The following SEPTIN9 variants were observed in gnomAD, a reference collection of about 807,000 sequenced individuals.
SEPTIN9 encodes the protein septin-9.
A neutral mutation model predicts 56.6 loss-of-function variants in SEPTIN9; 13 were observed. The observed-to-expected ratio is 0.23, with a 90% CI of 0.15 to 0.37. The LOEUF (loss-of-function observed/expected upper bound fraction) is 0.37, where lower values mean the gene tolerates loss of function less well. SEPTIN9 is among the 10% of genes least tolerant of loss of function. The pLI is 1.00. For missense variants in SEPTIN9, 650 were observed against 823.1 expected, an observed-to-expected ratio of 0.79 and a Z score of 2.57; for synonymous variants, 332 against 334.1, an observed-to-expected ratio of 0.99 and a Z score of 0.07.
intron 2 of SEPTIN9, among the ~76,000 whole-genome samples, chr17:77,384,096 C>T (rs1400208941): frequency 6.6e-6 from 1 of 152,204 alleles, no homozygotes; most frequent in East Asian, 1.9e-4. Flanking sequence ...AAGGCGGCGG[C>T]TGCCCTGACT....
intron 2 of SEPTIN9, among the ~76,000 whole-genome samples, chr17:77,363,294 C>A (rs1598256371): frequency 6.6e-6 from 1 of 151,330 alleles, no homozygotes; most frequent in East Asian, 1.9e-4. Context: ...GACACTCCCG[C>A]AACTTTCTCT....
intron 2 of SEPTIN9, among the ~76,000 whole-genome samples, chr17:77,334,640 G>T (rs558354758): frequency 1.3e-5 from 2 of 151,936 alleles, no homozygotes; most frequent in Non-Finnish European, 2.9e-5. Flanking sequence ...TGTGACCTAT[G>T]GAGGAAATCT....
chr17:77,291,031 ATT>A (rs869237556), intron 1 of SEPTIN9, among the ~76,000 whole-genome samples: 112 of 108,774 alleles, frequency 1.0e-3, no homozygotes, highest in Admixed American at 1.3e-3. Flanking sequence ...TGCCTGGCTA[ATT>A]TTTTTTTTTT....
At chr17:77,365,123 C>T (rs2034533281) in intron 2 of SEPTIN9, among the ~76,000 whole-genome samples, 1 of 152,158 alleles carries the variant, frequency 6.6e-6, no homozygotes, top group Non-Finnish European at 1.5e-5. Context: ...GGGCTGATGC[C>T]CCACATTCCA....
chr17:77,441,529 T>A (rs1474498836), intron 3 of SEPTIN9, among the ~76,000 whole-genome samples: 1 of 152,224 alleles, frequency 6.6e-6, no homozygotes, highest in East Asian at 1.9e-4. Context: ...GCAGGAAGTT[T>A]GAGCAACAGC....
rs540035827 is a variant in SEPTIN9 at position 77,305,906 on chromosome 17, G to T, written c.20-1235G>T. On this transcript the variant is annotated intron_variant, in intron 1 of 11. Transcript: ENST00000427177. ...TGGAAGGAAGGATGAGTGGGTGGGT[G>T]GGGGGGTGGGTGGGTGGGTGGATGG... 3.8e-5 allele frequency among the ~76,000 whole-genome samples: 4 copies of T among 105,856 alleles called. No individual in the cohort carries two copies. The East Asian group carries it at 1.0e-3, about 27-fold the overall frequency. 69.4% of individuals were successfully genotyped at this position (105,856 alleles called of 152,430 possible).
chr17:77,498,872 T>C lies in SEPTIN9; in HGVS notation c.*214T>C. On this transcript the variant is annotated 3_prime_UTR_variant, in exon 12 of 12. Transcript: ENST00000427177. ...CCCCGAGGTTGTGGGGAGGCTGCAC[T>C]GGAGCCACAGGCAGGGGTGAGAGCA... 1 of 599,112 alleles carries C rather than the reference T, an allele frequency of 1.7e-6. No homozygotes were observed. The highest frequency in any genetic ancestry group is 3.1e-6 in the Non-Finnish European group (1 of 318,292). The allele number at this position is 599,112 out of a possible 1,614,324, so 37.1% of individuals were successfully genotyped here. A position where few individuals can be genotyped will look rare whatever the true frequency, so the allele number is the denominator to read the frequency against.
intron 3 of SEPTIN9, among the ~76,000 whole-genome samples, chr17:77,455,906 T>C (rs1465588853): frequency 6.6e-6 from 1 of 152,046 alleles, no homozygotes; most frequent in Non-Finnish European, 1.5e-5. Context: ...AAGGTCTCCT[T>C]GGGGGGTTTT....
At position 77,475,292 on chromosome 17, in the gene SEPTIN9, G is replaced by A. The variant is rs994951390; in HGVS notation, c.722-6852G>A. 8 of 1,417,582 alleles carry A rather than the reference G, an allele frequency of 5.6e-6. No individual in the cohort carries two copies. Among genetic ancestry groups the A allele is most frequent in the East Asian group, 2.6e-5 (1 of 39,102 alleles). 87.8% of individuals were successfully genotyped at this position (1,417,582 alleles called of 1,614,324 possible). On this transcript the variant is annotated intron_variant, in intron 3 of 11. Coordinates refer to ENST00000427177, the MANE Select transcript of SEPTIN9 (RefSeq NM_001113491.2). This position sits in a 1 kb window ranked among gnomAD's most constrained non-coding sequence, Gnocchi z 4.6. ...TGGACGCAGAGAGCAGGCTCTGTGT[G>A]GGAGCGGGGAGGGCAAGCCCTGGTT...
At chr17:77,287,497 T>A (rs910516701) in intron 1 of SEPTIN9, among the ~76,000 whole-genome samples, 5 of 152,222 alleles carry the variant, frequency 3.3e-5, no homozygotes, top group Admixed American at 2.6e-4. Flanking sequence ...TGCCGGGCGC[T>A]GCTGAGTGTC....
In SEPTIN9 at chr17:77,389,909, A is replaced by G. The variant is rs974881917; in HGVS notation, c.77-12150A>G. On this transcript the variant is annotated intron_variant, in intron 2 of 11. Coordinates refer to ENST00000427177, the MANE Select transcript of SEPTIN9 (RefSeq NM_001113491.2). The surrounding 1 kb of genome is among the most constrained non-coding windows in gnomAD (Gnocchi z 4.3). ...CTGAGAGTGTGCCAGAGGTGCTCCC[A>G]TTCCCATAGCTGATTTAGTAAAGAA... Among the ~76,000 whole-genome samples, 2 of 152,156 alleles carry G rather than the reference A, an allele frequency of 1.3e-5. No homozygotes were observed. Among genetic ancestry groups the G allele is most frequent in the Non-Finnish European group, 1.5e-5 (1 of 68,016 alleles).
chr17:77,340,008 T>C (rs1425269418), intron 2 of SEPTIN9, among the ~76,000 whole-genome samples: 1 of 151,690 alleles, frequency 6.6e-6, no homozygotes, highest in Non-Finnish European at 1.5e-5. Flanking sequence ...GTATTTTTAA[T>C]AGAGATGAGG....
chr17:77,390,346 T>TAA (rs200348069), intron 2 of SEPTIN9, among the ~76,000 whole-genome samples: 3,391 of 90,170 alleles, frequency 0.038, 86 homozygotes, highest in Non-Finnish European at 0.046. Flanking sequence ...GACTCCGTCT[T>TAA]AAAAAAAAAA....
At position 77,466,391 on chromosome 17, in the gene SEPTIN9, C is replaced by T. The variant is rs1175273269; in HGVS notation, c.722-15753C>T. On this transcript the variant is annotated intron_variant, in intron 3 of 11. Coordinates refer to ENST00000427177, the MANE Select transcript of SEPTIN9 (RefSeq NM_001113491.2). ...TTACCATATGAATGTAGCTCCTTCCCGGAGTTCGGGCTGGAAGGGCCTGGG... is the reference window on the plus strand; with the variant it reads ...TTACCATATGAATGTAGCTCCTTCCTGGAGTTCGGGCTGGAAGGGCCTGGG... 2.5e-5 allele frequency: 25 copies of T among 985,422 alleles called. No individual in the cohort carries two copies. The South Asian group carries it at 6.6e-4, about 26-fold the overall frequency. The allele number at this position is 985,422 out of a possible 1,614,324, so 61.0% of individuals were successfully genotyped here. A position where few individuals can be genotyped will look rare whatever the true frequency, so the allele number is the denominator to read the frequency against.
intron 2 of SEPTIN9, chr17:77,322,481 G>A (rs2032973659): frequency 6.6e-6 from 1 of 152,242 alleles, no homozygotes; most frequent in Admixed American, 6.5e-5. Context: ...GCTGCCTTCC[G>A]AATGAACACG....
intron 2 of SEPTIN9, among the ~76,000 whole-genome samples, chr17:77,399,897 T>C (rs2035846845): frequency 6.6e-6 from 1 of 152,222 alleles, no homozygotes; most frequent in African/African-American, 2.4e-5. Flanking sequence ...GGCCACGTGA[T>C]CAGCTAGAGG....
chr17:77,390,618 A>C (rs2035508176), intron 2 of SEPTIN9, among the ~76,000 whole-genome samples: 1 of 151,266 alleles, frequency 6.6e-6, no homozygotes, highest in Non-Finnish European at 1.5e-5. Flanking sequence ...CGCCCGGCTA[A>C]TTTTTTGTGT....
chr17:77,488,420 C>T, intron 6 of SEPTIN9, 99 bp downstream of exon 6: 1 of 1,103,014 alleles, frequency 9.1e-7, no homozygotes, highest in Non-Finnish European at 1.4e-6. Context: ...CGCGGGGGTG[C>T]AGGGCCCACC....
intron 2 of SEPTIN9, among the ~76,000 whole-genome samples, chr17:77,399,268 G>A (rs1279908747): frequency 1.3e-5 from 2 of 152,214 alleles, no homozygotes; most frequent in Non-Finnish European, 2.9e-5. Flanking sequence ...CCCAAGGAGG[G>A]GGTTCACCGG....
Sources: allele counts gnomAD v4.1 joint callset (sites outside exome capture counted in the v4.1 genomes callset), GRCh38; gene constraint gnomAD v4.1.1; non-coding constraint Gnocchi (gnomAD v3.1); transcripts MANE v1.5; gene names NCBI Gene and HGNC (gene_info 2026-07-23, HGNC 2026-07-21).